Variants in CSMD1 observed in about 807,000 individuals in gnomAD.
The protein encoded by CSMD1 is CUB and sushi domain-containing protein 1.
Under a neutral mutation model 417.5 loss-of-function variants are expected in CSMD1, and 213 were observed. That is an observed-to-expected ratio of 0.51 (90% confidence interval 0.46 to 0.57). The LOEUF (loss-of-function observed/expected upper bound fraction) is 0.57, where lower values mean the gene tolerates loss of function less well. CSMD1 is among the 20% of genes least tolerant of loss of function. The pLI is 0.00. For missense variants in CSMD1, 6,923 were observed against 4,529.7 expected (o/e 1.53, Z -15.17); for synonymous variants, 2,862 against 1,736.8 (o/e 1.65, Z -16.11).
At chr8:4,983,373 T>C (rs181238104) in intron 1 of CSMD1, among the ~76,000 whole-genome samples, 2 of 152,160 alleles carry the variant, frequency 1.3e-5, no homozygotes, top group Admixed American at 6.5e-5. Flanking sequence ...ACTGAGAACA[T>C]TTATTTATTT....
Position 3,409,410 on chromosome 8 carries a change from G to C in CSMD1, c.1744+13C>G. The C allele has an allele frequency of 6.2e-7, 1 of 1,601,090 alleles. No homozygotes were observed. Among genetic ancestry groups the C allele is most frequent in the Non-Finnish European group, 8.5e-7 (1 of 1,173,240 alleles). ...AGGACAGGAGGGAGTCCAGGTCAAG[G>C]CATAATACTCACATACACAGCTGGG... On this transcript the variant is annotated intron_variant, in intron 13 of 69. Coordinates refer to ENST00000635120, the MANE Select transcript of CSMD1 (RefSeq NM_033225.6).
At chr8:3,029,763 G>A (rs1432309181) in intron 50 of CSMD1, among the ~76,000 whole-genome samples, 1 of 151,836 alleles carries the variant, frequency 6.6e-6, no homozygotes, top group African/African-American at 2.4e-5. Flanking sequence ...ACTGTAAAGG[G>A]GGTAAATCAC....
intron 35 of CSMD1, 66 bp downstream of exon 35, chr8:3,188,821 A>G (rs1045026917): frequency 6.0e-6 from 8 of 1,340,046 alleles, no homozygotes; most frequent in Non-Finnish European, 7.8e-6. Context: ...GAACAAAAGA[A>G]TGAAAGAAAG....
chr8:3,596,284 G>A (rs1433177259), intron 8 of CSMD1, among the ~76,000 whole-genome samples: 1 of 152,156 alleles, frequency 6.6e-6, no homozygotes, highest in Non-Finnish European at 1.5e-5. Context: ...GCAGACATGA[G>A]TTTGTTTTAC....
chr8:3,609,983 G>C (rs1472648287), intron 8 of CSMD1, among the ~76,000 whole-genome samples: 6 of 151,694 alleles, frequency 4.0e-5, no homozygotes, highest in Admixed American at 3.9e-4. Flanking sequence ...TGTATTTTTA[G>C]TAGAGACAGG....
chr8:3,712,528 C>G (rs187991716), intron 6 of CSMD1, among the ~76,000 whole-genome samples: 44 of 152,192 alleles, frequency 2.9e-4, no homozygotes, highest in African/African-American at 1.0e-3. Context: ...TCTTCTTTCT[C>G]CTGAATTAAA....
intron 5 of CSMD1, among the ~76,000 whole-genome samples, chr8:3,905,979 T>G (rs886965693): frequency 2.0e-5 from 3 of 152,200 alleles, no homozygotes; most frequent in Non-Finnish European, 4.4e-5. Flanking sequence ...AAACCTGTTC[T>G]TTTACCAGAT....
intron 26 of CSMD1, among the ~76,000 whole-genome samples, chr8:3,244,807 A>G (rs931833380): frequency 6.6e-5 from 10 of 152,222 alleles, no homozygotes; most frequent in Non-Finnish European, 1.3e-4. Flanking sequence ...CATCATAGTC[A>G]CAGATGGGTG....
intron 1 of CSMD1, among the ~76,000 whole-genome samples, chr8:4,910,782 G>A (rs887844114): frequency 1.1e-4 from 17 of 152,136 alleles, no homozygotes; most frequent in Non-Finnish European, 2.2e-4. Context: ...ACCTTATAAG[G>A]TGGGAAAATA....
At chr8:4,069,399 T>C (rs926956019) in intron 3 of CSMD1, among the ~76,000 whole-genome samples, 1 of 152,190 alleles carries the variant, frequency 6.6e-6, no homozygotes, top group Non-Finnish European at 1.5e-5. Flanking sequence ...GTTTTCTGAG[T>C]TTTCCGAGTT....
chr8:3,394,950 T>G (rs1437928337), intron 17 of CSMD1, among the ~76,000 whole-genome samples: 1 of 152,198 alleles, frequency 6.6e-6, no homozygotes, highest in East Asian at 1.9e-4. Flanking sequence ...AGACAAAATC[T>G]TAAGATATAC....
chr8:3,396,093 TA>T, intron 17 of CSMD1, 100 bp downstream of exon 17: 1 of 1,001,256 alleles, frequency 1.0e-6, no homozygotes, highest in Non-Finnish European at 1.5e-6. Context: ...GCAGGATCAG[TA>T]AACTAGCACA....
chr8:3,014,830 C>T (rs1808700905), intron 52 of CSMD1, among the ~76,000 whole-genome samples: 1 of 151,978 alleles, frequency 6.6e-6, no homozygotes, highest in African/African-American at 2.4e-5. Flanking sequence ...GTGGGAGGAG[C>T]ACTTGAGTCC....
chr8:3,703,058 T>C (rs958592955), intron 7 of CSMD1, among the ~76,000 whole-genome samples: 3 of 152,176 alleles, frequency 2.0e-5, no homozygotes, highest in African/African-American at 7.2e-5. Flanking sequence ...AACCACGTAA[T>C]TATAAAATAC....
At chr8:3,279,472 C>A (rs533107263) in intron 26 of CSMD1, among the ~76,000 whole-genome samples, 3 of 152,114 alleles carry the variant, frequency 2.0e-5, no homozygotes, top group Non-Finnish European at 2.9e-5. Context: ...CATATGCTTG[C>A]CAAGGTCCTT....
intron 3 of CSMD1, among the ~76,000 whole-genome samples, chr8:4,323,849 G>A (rs1799407281): frequency 1.3e-5 from 2 of 152,120 alleles, no homozygotes; most frequent in African/African-American, 4.8e-5. Context: ...CTTGTACTGA[G>A]AGTTTAGCTT....
intron 8 of CSMD1, among the ~76,000 whole-genome samples, chr8:3,586,883 T>C (rs747611679): frequency 6.6e-6 from 1 of 152,196 alleles, no homozygotes; most frequent in Non-Finnish European, 1.5e-5. Context: ...CACTGCAACC[T>C]CCGCCTCCGG....
chr8:4,422,184 T>A (rs1187954864), intron 2 of CSMD1, among the ~76,000 whole-genome samples: 2 of 152,124 alleles, frequency 1.3e-5, no homozygotes, highest in African/African-American at 2.4e-5. Flanking sequence ...ATTCTACATT[T>A]AAATAATTAA....
intron 3 of CSMD1, among the ~76,000 whole-genome samples, chr8:4,229,138 A>C (rs936156053): frequency 6.6e-6 from 1 of 151,824 alleles, no homozygotes; most frequent in African/African-American, 2.4e-5. Flanking sequence ...CTAGAGAATA[A>C]CTCCCTTTTT....
Sources: allele counts gnomAD v4.1 joint callset (sites outside exome capture counted in the v4.1 genomes callset), GRCh38; gene constraint gnomAD v4.1.1; transcripts MANE v1.5; gene names NCBI Gene and HGNC (gene_info 2026-07-23, HGNC 2026-07-21).